Variants in FRMD6 observed in about 807,000 individuals in gnomAD.
FRMD6 encodes FERM domain-containing protein 6.
Under a neutral mutation model 73.2 loss-of-function variants are expected in FRMD6, and 37 were observed. The ratio of observed to expected loss-of-function variants is 0.51; its 90% confidence interval spans 0.39 to 0.66. FRMD6 has a LOEUF of 0.66. Ranked by LOEUF, FRMD6 falls within the 30% of genes least tolerant of loss-of-function variation. The probability of loss-of-function intolerance (pLI) is 0.00; values close to 1 mark genes in which losing one functional copy is unlikely to be tolerated. For synonymous variants in FRMD6, 273 were observed against 282.2 expected, an observed-to-expected ratio of 0.97 and a Z score of 0.33; for missense variants, 714 against 780.5, an observed-to-expected ratio of 0.91 and a Z score of 1.02.
Position 51,621,585 on chromosome 14 carries a change from A to G in FRMD6, c.-147+51175A>G, listed in dbSNP as rs113275608. On this transcript the variant is annotated intron_variant, in intron 2 of 14. Transcript: ENST00000356218. The stretch of plus-strand genomic sequence containing the variant: ...ATGAAAGCATAACAGAGAGGACAAC[A>G]TTTACTGGATTAGATGGTATTGCTT... 7.9e-5 allele frequency among the ~76,000 whole-genome samples: 12 copies of G among 152,296 alleles called. 1 individual carries two copies. Among genetic ancestry groups the G allele is most frequent in the African/African-American group, 2.6e-4 (11 of 41,554 alleles).
At chr14:51,459,687 C>A in the FRMD6 span, among the ~76,000 whole-genome samples, 1 of 151,706 alleles carries the variant, frequency 6.6e-6, no homozygotes, top group African/African-American at 2.4e-5. Context: ...AATAGCCGGG[C>A]GTGGTGGCGG....
the FRMD6 span, among the ~76,000 whole-genome samples, chr14:51,482,891 G>T: frequency 6.6e-6 from 1 of 151,848 alleles, no homozygotes; most frequent in Non-Finnish European, 1.5e-5. Context: ...TAGTAGAGAC[G>T]GGGGGTTTCA....
the FRMD6 span, among the ~76,000 whole-genome samples, chr14:51,470,887 A>G: frequency 1.3e-5 from 2 of 152,294 alleles, no homozygotes; most frequent in Non-Finnish European, 2.9e-5. Context: ...CATTCATTAA[A>G]ATTTATTGAT....
chr14:51,659,809 CT>C (rs1323276810), intron 1 of FRMD6, among the ~76,000 whole-genome samples: 1 of 152,156 alleles, frequency 6.6e-6, no homozygotes, highest in East Asian at 1.9e-4. Flanking sequence ...TAAAGCAGTT[CT>C]TTATTCCCAA....
chr14:51,547,417 T>C (rs1378126071), intron 1 of FRMD6, among the ~76,000 whole-genome samples: 1 of 152,140 alleles, frequency 6.6e-6, no homozygotes, highest in African/African-American at 2.4e-5. Flanking sequence ...ACCCTCCTCA[T>C]GGAGTCACAG....
chr14:51,493,401 A>G (rs61969790), intron 1 of FRMD6, among the ~76,000 whole-genome samples: 6,119 of 152,226 alleles, frequency 0.04, 174 homozygotes, highest in East Asian at 0.076. Context: ...TAATTGAATC[A>G]TGAGGGTGGG....
At chr14:51,507,196 G>T (rs989813354) in intron 1 of FRMD6, among the ~76,000 whole-genome samples, 1 of 151,324 alleles carries the variant, frequency 6.6e-6, no homozygotes, top group Non-Finnish European at 1.5e-5. Flanking sequence ...AGCTACGGTC[G>T]GCTAACCCTG....
chr14:51,493,552 A>G (rs1005804690), intron 1 of FRMD6, among the ~76,000 whole-genome samples: 1 of 152,136 alleles, frequency 6.6e-6, no homozygotes, highest in Non-Finnish European at 1.5e-5. Context: ...GCCTTCCACC[A>G]TGATTGTGAG....
chr14:51,695,518 A>G (rs1298479559), intron 2 of FRMD6, among the ~76,000 whole-genome samples: 1 of 152,152 alleles, frequency 6.6e-6, no homozygotes, highest in Non-Finnish European at 1.5e-5. Context: ...TTGCATTTAT[A>G]CAGTTTTCCT....
intron 1 of FRMD6, among the ~76,000 whole-genome samples, chr14:51,509,597 C>A (rs1258792837): frequency 6.6e-6 from 1 of 152,214 alleles, no homozygotes; most frequent in East Asian, 1.9e-4. Context: ...GGTTTGCCAC[C>A]AGTAACAATG....
chr14:51,606,707 G>C (rs1890271709), intron 2 of FRMD6, among the ~76,000 whole-genome samples: 1 of 152,166 alleles, frequency 6.6e-6, no homozygotes, highest in South Asian at 2.1e-4. Context: ...GAATTTATTA[G>C]GGGAATTGGC....
chr14:51,587,887 CTG>C (rs1889147009), intron 2 of FRMD6, among the ~76,000 whole-genome samples: 1 of 152,014 alleles, frequency 6.6e-6, no homozygotes, highest in African/African-American at 2.4e-5. Context: ...TATCACTGTT[CTG>C]TGCATTCAAT....
At chr14:51,506,943 G>C (rs975752341) in intron 1 of FRMD6, among the ~76,000 whole-genome samples, 1 of 152,084 alleles carries the variant, frequency 6.6e-6, no homozygotes, top group African/African-American at 2.4e-5. Context: ...CATATACTAT[G>C]ATCTCACTTA....
chr14:51,532,710 A>G lies in FRMD6; in HGVS notation c.-209-37638A>G, dbSNP rs181705401. On this transcript the variant is annotated intron_variant, in intron 1 of 14. Coordinates refer to the FRMD6 transcript ENST00000356218. ...CCTATATAAACAACCACCTACATTG[A>G]CTGAAACTCTTGAGGACAGAGTTTG... Among the ~76,000 whole-genome samples the G allele has an allele frequency of 1.5e-3, 222 of 152,302 alleles. 1 individual carries two copies. The highest frequency in any genetic ancestry group is 4.6e-3 in the African/African-American group (193 of 41,568).
upstream of FRMD6, among the ~76,000 whole-genome samples, chr14:51,487,565 C>T (rs934112325): frequency 6.6e-6 from 1 of 152,196 alleles, no homozygotes; most frequent in Non-Finnish European, 1.5e-5. Flanking sequence ...TAGCAAGCCA[C>T]TAAAATGTTA....
chr14:51,516,311 T>A (rs1246023572), intron 1 of FRMD6, among the ~76,000 whole-genome samples: 1 of 152,194 alleles, frequency 6.6e-6, no homozygotes, highest in Non-Finnish European at 1.5e-5. Flanking sequence ...ATCTAGGTAA[T>A]TAGACATAAG....
At chr14:51,455,415 C>T in the FRMD6 span, among the ~76,000 whole-genome samples, 1 of 152,198 alleles carries the variant, frequency 6.6e-6, no homozygotes, top group Non-Finnish European at 1.5e-5. Flanking sequence ...GTGGTGATAT[C>T]TTGAGCTGAG....
At chr14:51,503,689 T>A (rs1465615670) in intron 1 of FRMD6, among the ~76,000 whole-genome samples, 1 of 151,960 alleles carries the variant, frequency 6.6e-6, no homozygotes, top group Admixed American at 6.6e-5. Flanking sequence ...TTGTTTTTTT[T>A]TTTTGTATCT....
chr14:51,724,130 A>T (rs903741239), intron 12 of FRMD6: 3 of 152,236 alleles, frequency 2.0e-5, no homozygotes, highest in Non-Finnish European at 2.9e-5. Flanking sequence ...ACATACACTA[A>T]AGTTGCAGTG....
Sources: allele counts gnomAD v4.1 joint callset (sites outside exome capture counted in the v4.1 genomes callset), GRCh38; gene constraint gnomAD v4.1.1; transcripts MANE v1.5; gene names NCBI Gene and HGNC (gene_info 2026-07-23, HGNC 2026-07-21).